The following AP2A2 variants were observed in gnomAD, a reference collection of about 807,000 sequenced individuals.
The protein encoded by AP2A2 is AP-2 complex subunit alpha-2.
A neutral mutation model predicts 104.2 loss-of-function variants in AP2A2; 32 were observed. The observed-to-expected ratio is 0.31, with a 90% CI of 0.23 to 0.41. The LOEUF (loss-of-function observed/expected upper bound fraction) is 0.41. Among genes scored for constraint, AP2A2 ranks in the 10% least tolerant of loss-of-function variants. The probability of loss-of-function intolerance (pLI) is 1.00; values close to 1 mark genes in which losing one functional copy is unlikely to be tolerated. For missense variants in AP2A2, 912 were observed against 1,261.0 expected (o/e 0.72, Z 4.19); for synonymous variants, 539 against 533.3 (o/e 1.01, Z -0.15).
At chr11:970,515 G>T (rs1359139424) in intron 3 of AP2A2, among the ~76,000 whole-genome samples, 1 of 152,262 alleles carries the variant, frequency 6.6e-6, no homozygotes, top group Non-Finnish European at 1.5e-5. Flanking sequence ...CCCAAGCTGG[G>T]TGTTCTTCAG....
intron 17 of AP2A2, chr11:1,007,766 G>A (rs1051955504): frequency 8.4e-6 from 5 of 594,818 alleles, no homozygotes; most frequent in Non-Finnish European, 1.5e-5. Flanking sequence ...CAGACAAGTA[G>A]TATATAATCT....
Position 969,219 on chromosome 11 carries a change from CCTTTTTTTT to C in AP2A2, c.137-949_137-941del, listed in dbSNP as rs1485815274. Among the ~76,000 whole-genome samples, 26 of 112,810 alleles carry C rather than the reference CCTTTTTTTT, an allele frequency of 2.3e-4. 1 individual carries two copies. The highest frequency in any genetic ancestry group is 2.4e-4 in the Non-Finnish European group (13 of 54,346). 74.0% of individuals were successfully genotyped at this position (112,810 alleles called of 152,430 possible). On this transcript the variant is annotated intron_variant, in intron 2 of 21. Coordinates refer to ENST00000448903, the MANE Select transcript of AP2A2 (RefSeq NM_012305.4). ...GAAACTCCTGGCAATGTAGAACAGC[CCTTTTTTTT>C]TTTTTTTTTTTTTTTTTTTGAGATG...
At chr11:957,377 C>G (rs1854272182) in intron 1 of AP2A2, among the ~76,000 whole-genome samples, 2 of 152,328 alleles carry the variant, frequency 1.3e-5, no homozygotes, top group Middle Eastern at 3.4e-3. Flanking sequence ...AGGGTGTGAT[C>G]TAAACCCAGC....
intron 1 of AP2A2, among the ~76,000 whole-genome samples, chr11:944,028 C>T (rs1428464557): frequency 6.8e-5 from 10 of 147,578 alleles, no homozygotes; most frequent in African/African-American, 2.0e-4. Context: ...GAGTCCCGAC[C>T]GGAGATGCAG....
chr11:929,367 T>TG (rs1434669629), intron 1 of AP2A2, among the ~76,000 whole-genome samples: 2 of 152,182 alleles, frequency 1.3e-5, no homozygotes. Flanking sequence ...AGCAGCTGCA[T>TG]GAGTGGAGGC....
At chr11:1,002,478 C>T (rs1056695662) in intron 15 of AP2A2, among the ~76,000 whole-genome samples, 3 of 152,274 alleles carry the variant, frequency 2.0e-5, no homozygotes, top group Non-Finnish European at 2.9e-5. Flanking sequence ...TGGCTGCAGC[C>T]GGACCAGCAG....
intron 18 of AP2A2, chr11:1,008,506 C>G: frequency 4.7e-6 from 1 of 213,730 alleles, no homozygotes; most frequent in African/African-American, 2.3e-5. Flanking sequence ...GGCCCCCTGG[C>G]CTGGGGGGCG....
At chr11:974,698 A>AAG (rs1554887919) in intron 4 of AP2A2, among the ~76,000 whole-genome samples, 9 of 137,142 alleles carry the variant, frequency 6.6e-5, no homozygotes, top group Admixed American at 7.9e-5. Context: ...AAAAAAAAAA[A>AAG]AAAGAAAGCT....
At chr11:974,811 C>T (rs1001523986) in intron 4 of AP2A2, among the ~76,000 whole-genome samples, 1 of 151,820 alleles carries the variant, frequency 6.6e-6, no homozygotes, top group Non-Finnish European at 1.5e-5. Context: ...ATGGTGAAAC[C>T]CCGTCTCTAC....
At chr11:974,783 G>C (rs771485748) in intron 4 of AP2A2, among the ~76,000 whole-genome samples, 17 of 151,346 alleles carry the variant, frequency 1.1e-4, no homozygotes, top group Non-Finnish European at 1.6e-4. Context: ...TCAAGAGCTC[G>C]AGACCATCCT....
At chr11:961,275 G>A (rs1425889546) in intron 2 of AP2A2, among the ~76,000 whole-genome samples, 1 of 151,042 alleles carries the variant, frequency 6.6e-6, no homozygotes, top group African/African-American at 2.4e-5. Context: ...AGATGATGTG[G>A]GTCTGACAGT....
At chr11:956,917 T>C (rs1042095489) in intron 1 of AP2A2, 1 of 152,230 alleles carries the variant, frequency 6.6e-6, no homozygotes, top group African/African-American at 2.4e-5. Flanking sequence ...GCAAACAAGC[T>C]ATCAGTTCTG....
chr11:970,158 CT>C lies in AP2A2; in HGVS notation c.137-7del. 1.2e-6 allele frequency: 2 copies of C among 1,613,610 alleles called. No homozygotes were observed. The highest frequency in any genetic ancestry group is 8.5e-7 in the Non-Finnish European group (1 of 1,179,658). The stretch of plus-strand genomic sequence containing the variant: ...GCCTGGAATAAAACCTCTTCCCCAC[CT>C]TTTCTGTAGGTGACAAGGCTCTTGA... On this transcript the variant is annotated splice_polypyrimidine_tract_variant and intron_variant, in intron 2 of 21. Coordinates refer to ENST00000448903, the MANE Select transcript of AP2A2 (RefSeq NM_012305.4).
Position 1,010,810 on chromosome 11 carries a change from A to G in AP2A2, c.*185A>G. 1.5e-6 allele frequency: 1 copy of G among 669,654 alleles called. No homozygotes were observed. The highest frequency in any genetic ancestry group is 2.7e-6 in the Non-Finnish European group (1 of 368,534). 41.5% of individuals were successfully genotyped at this position (669,654 alleles called of 1,614,324 possible). On this transcript the variant is annotated 3_prime_UTR_variant, in exon 22 of 22. Transcript: ENST00000448903. ...AACACACGTGTGTGGCTCAGGAGGA[A>G]AAGCTCAGCCTGGACTGTGGCAGCC...
At chr11:999,764 T>C (rs66670048) in intron 14 of AP2A2, among the ~76,000 whole-genome samples, 12,317 of 151,960 alleles carry the variant, frequency 0.081, 534 homozygotes, top group Middle Eastern at 0.14. Context: ...TACTTTCTTA[T>C]TGGACAGTTG....
At position 983,142 on chromosome 11, in the gene AP2A2, C is replaced by T. The variant is rs57088033; in HGVS notation, c.706-1503C>T. Among the ~76,000 whole-genome samples the T allele has an allele frequency of 1.2e-3, 175 of 150,428 alleles. 3 individuals are homozygous for T. The East Asian group carries it at 0.032, about 27-fold the overall frequency. ...AAGCGATTCTCCTACCTCAGCCTCC[C>T]GAGTAGCTGGGACTACAGGCCGTCG... On this transcript the variant is annotated intron_variant, in intron 6 of 21. Transcript: ENST00000448903.
intron 4 of AP2A2, among the ~76,000 whole-genome samples, chr11:975,118 CG>C (rs1854977261): frequency 6.6e-6 from 1 of 152,158 alleles, no homozygotes; most frequent in South Asian, 2.1e-4. Context: ...GAGGTAGGGA[CG>C]GGAGGCAGCG....
chr11:970,908 ACT>A (rs1183744940), intron 3 of AP2A2, among the ~76,000 whole-genome samples: 1 of 151,738 alleles, frequency 6.6e-6, no homozygotes, highest in East Asian at 1.9e-4. Flanking sequence ...GTGTCCTGTC[ACT>A]CTACTTTTGA....
chr11:951,025 G>T (rs1425598549), intron 1 of AP2A2, among the ~76,000 whole-genome samples: 1 of 151,796 alleles, frequency 6.6e-6, no homozygotes, highest in East Asian at 1.9e-4. Flanking sequence ...CTGGGAAGCG[G>T]ATGTTGCAGT....
Sources: allele counts gnomAD v4.1 joint callset (sites outside exome capture counted in the v4.1 genomes callset), GRCh38; gene constraint gnomAD v4.1.1; transcripts MANE v1.5; gene names NCBI Gene and HGNC (gene_info 2026-07-23, HGNC 2026-07-21).